The following CDH12 variants were observed in gnomAD, a reference collection of about 807,000 sequenced individuals.
CDH12 encodes the protein cadherin 12, also known as cadherin-12.
Under a neutral mutation model 74.1 loss-of-function variants are expected in CDH12, and 41 were observed. The ratio of observed to expected loss-of-function variants is 0.55; its 90% CI spans 0.43 to 0.72. CDH12 has a LOEUF of 0.72. Ranked by LOEUF, CDH12 falls within the 30% of genes least tolerant of loss-of-function variation. CDH12 has a pLI of 0.00. For missense variants in CDH12, 945 were observed against 977.2 expected (o/e 0.97, Z 0.44); for synonymous variants, 399 against 355.0 (o/e 1.12, Z -1.39).
intron 10 of CDH12, among the ~76,000 whole-genome samples, chr5:21,792,083 T>C (rs1270258731): frequency 1.3e-5 from 2 of 151,982 alleles, no homozygotes; most frequent in African/African-American, 4.8e-5. Context: ...TCTTTACTCT[T>C]ATCTCTTCTT....
intron 5 of CDH12, among the ~76,000 whole-genome samples, chr5:22,069,783 T>A (rs181581124): frequency 7.2e-5 from 11 of 152,240 alleles, no homozygotes; most frequent in African/African-American, 2.6e-4. Flanking sequence ...GTCTGTAATA[T>A]TGGAGATTCC....
chr5:22,097,518 C>T (rs546986093), intron 4 of CDH12, among the ~76,000 whole-genome samples: 66 of 152,230 alleles, frequency 4.3e-4, no homozygotes, highest in African/African-American at 1.6e-3. Flanking sequence ...CTTTAAACTC[C>T]CCAACTCTAG....
intron 2 of CDH12, among the ~76,000 whole-genome samples, chr5:22,437,204 C>A: frequency 6.6e-6 from 1 of 151,832 alleles, no homozygotes; most frequent in East Asian, 1.9e-4. Flanking sequence ...AAATTTATTT[C>A]AAACTGTTTT....
chr5:21,799,641 G>C (rs1020538512), intron 10 of CDH12, among the ~76,000 whole-genome samples: 1 of 152,144 alleles, frequency 6.6e-6, no homozygotes, highest in African/African-American at 2.4e-5. Flanking sequence ...AACTTCTTCA[G>C]CTCTGTTAAA....
chr5:22,134,248 G>A (rs1746334616), intron 4 of CDH12, among the ~76,000 whole-genome samples: 1 of 131,146 alleles, frequency 7.6e-6, no homozygotes, highest in African/African-American at 2.6e-5. Flanking sequence ...CACTGATTTG[G>A]AAGAAGGACA....
At chr5:22,058,161 A>G (rs951572162) in intron 5 of CDH12, among the ~76,000 whole-genome samples, 1 of 152,058 alleles carries the variant, frequency 6.6e-6, no homozygotes, top group African/African-American at 2.4e-5. Context: ...GGTTCAAGCA[A>G]TTCTCCTGCT....
chr5:22,426,908 T>C (rs1376976872), intron 2 of CDH12, among the ~76,000 whole-genome samples: 1 of 152,180 alleles, frequency 6.6e-6, no homozygotes, highest in Non-Finnish European at 1.5e-5. Flanking sequence ...CAAAATGTTT[T>C]CTTTTTCTCA....
chr5:22,592,779 G>A (rs547704377), intron 1 of CDH12, among the ~76,000 whole-genome samples: 39 of 149,106 alleles, frequency 2.6e-4, no homozygotes, highest in African/African-American at 8.1e-4. Context: ...GGTAGCTCAC[G>A]CGTGTAATCC....
At chr5:22,131,575 G>C (rs1377290458) in intron 4 of CDH12, among the ~76,000 whole-genome samples, 1 of 152,048 alleles carries the variant, frequency 6.6e-6, no homozygotes, top group African/African-American at 2.4e-5. Flanking sequence ...AGGTCACCTT[G>C]TTCCTTGTTG....
chr5:22,465,399 C>A (rs757203608), intron 2 of CDH12, among the ~76,000 whole-genome samples: 2 of 152,122 alleles, frequency 1.3e-5, no homozygotes, highest in African/African-American at 4.8e-5. Flanking sequence ...AATCCCAGTA[C>A]TTTGTGAGGG....
rs577794530 is a variant in CDH12, at chr5:22,138,834, C to T, written c.-186-59972G>A. Among the ~76,000 whole-genome samples, 348 of 61,892 alleles carry T rather than the reference C, an allele frequency of 5.6e-3. 2 individuals are homozygous for T. The highest frequency in any genetic ancestry group is 0.016 in the Admixed American group (82 of 5,054). 40.6% of individuals were successfully genotyped at this position (61,892 alleles called of 152,430 possible). On this transcript the variant is annotated intron_variant, in intron 4 of 14. Transcript: ENST00000382254. ...ATATATAATTGAATATATATGTGTA[C>T]ATATATACGTAATATATATATATAT...
At chr5:22,668,670 C>T (rs1740745910) in intron 1 of CDH12, among the ~76,000 whole-genome samples, 2 of 152,112 alleles carry the variant, frequency 1.3e-5, no homozygotes, top group Non-Finnish European at 2.9e-5. Flanking sequence ...TCCAGTAACC[C>T]ATTAATCTGT....
intron 1 of CDH12, among the ~76,000 whole-genome samples, chr5:22,826,623 C>G (rs1423080398): frequency 6.6e-6 from 1 of 152,090 alleles, no homozygotes; most frequent in Non-Finnish European, 1.5e-5. Flanking sequence ...ATAATAAGGT[C>G]CAGGCTAAGG....
At chr5:22,603,997 G>C (rs981941045) in intron 1 of CDH12, among the ~76,000 whole-genome samples, 1 of 152,298 alleles carries the variant, frequency 6.6e-6, no homozygotes, top group East Asian at 1.9e-4. Flanking sequence ...TGTAGTGGGC[G>C]ACAGCCAAGG....
chr5:21,794,819 T>G (rs1178162358), intron 10 of CDH12, among the ~76,000 whole-genome samples: 2 of 151,622 alleles, frequency 1.3e-5, no homozygotes, highest in Non-Finnish European at 3.0e-5. Context: ...AACACACTAT[T>G]TTTTCTTAAT....
At chr5:22,808,762 G>GTTTT (rs70959757) in intron 1 of CDH12, among the ~76,000 whole-genome samples, 5 of 41,726 alleles carry the variant, frequency 1.2e-4, no homozygotes, top group African/African-American at 3.6e-4. Flanking sequence ...ACCACACCTG[G>GTTTT]TTTTTTTTTT....
At chr5:22,697,097 C>A (rs778284049) in intron 1 of CDH12, among the ~76,000 whole-genome samples, 1 of 152,060 alleles carries the variant, frequency 6.6e-6, no homozygotes, top group Non-Finnish European at 1.5e-5. Context: ...CTTTAGAGCA[C>A]GATTATAAAA....
At chr5:22,766,413 G>T (rs553565288) in intron 1 of CDH12, among the ~76,000 whole-genome samples, 1 of 152,012 alleles carries the variant, frequency 6.6e-6, no homozygotes, top group Non-Finnish European at 1.5e-5. Context: ...CAGTGAAAAC[G>T]CATGAAACCA....
chr5:22,337,578 T>A (rs2150451221), intron 3 of CDH12, among the ~76,000 whole-genome samples: 1 of 152,320 alleles, frequency 6.6e-6, no homozygotes, highest in African/African-American at 2.4e-5. Flanking sequence ...GCACAATCTC[T>A]ATTTGCCTGC....
Sources: allele counts gnomAD v4.1 joint callset (sites outside exome capture counted in the v4.1 genomes callset), GRCh38; gene constraint gnomAD v4.1.1; transcripts MANE v1.5; gene names NCBI Gene and HGNC (gene_info 2026-07-23, HGNC 2026-07-21).